Variants in USP4 observed in about 807,000 individuals in gnomAD.
USP4 encodes the protein ubiquitin carboxyl-terminal hydrolase 4.
A neutral mutation model predicts 118.2 loss-of-function variants in USP4; 72 were observed. The observed-to-expected ratio is 0.61, with a 90% CI of 0.50 to 0.74. The LOEUF is 0.74. Among genes scored for constraint, USP4 ranks in the 30% least tolerant of loss-of-function variants. The probability of loss-of-function intolerance (pLI) is 0.00; values close to 1 mark genes in which losing one functional copy is unlikely to be tolerated. For synonymous variants in USP4, 415 were observed against 440.4 expected (o/e 0.94, Z 0.72); for missense variants, 1,037 against 1,185.7 (o/e 0.87, Z 1.84).
intron 20 of USP4, among the ~76,000 whole-genome samples, chr3:49,279,569 C>A (rs2046995919): frequency 1.3e-5 from 2 of 152,184 alleles, no homozygotes; most frequent in South Asian, 4.1e-4. Flanking sequence ...TTACACTATT[C>A]CCAAGCAGGA....
intron 21 of USP4, 90 bp from the exon 22 acceptor site, chr3:49,278,541 G>A: frequency 1.4e-6 from 2 of 1,475,598 alleles, no homozygotes; most frequent in South Asian, 1.3e-5. Context: ...AACCCTCAAG[G>A]ATCTGCCATA....
At chr3:49,317,349 GTCC>G (rs749258655) in intron 6 of USP4, 44 of 1,221,722 alleles carry the variant, frequency 3.6e-5, no homozygotes, top group Non-Finnish European at 5.1e-5. Flanking sequence ...GCTGTTTCTT[GTCC>G]TCCTCCTGCT....
chr3:49,304,701 A>G (rs2047294320), intron 9 of USP4, among the ~76,000 whole-genome samples: 1 of 151,608 alleles, frequency 6.6e-6, no homozygotes, highest in African/African-American at 2.4e-5. Context: ...TAATTCTCCC[A>G]CCTCAGCCTC....
rs902386821 is a variant in USP4, at chr3:49,311,390, T to C, written c.836+124A>G. ...GTATGAAATGGAGTGAGAAACTACATGTAGCATGTTCCCATGAGGAACTCT... is the reference window on the plus strand; with the variant it reads ...GTATGAAATGGAGTGAGAAACTACACGTAGCATGTTCCCATGAGGAACTCT... On this transcript the variant is annotated intron_variant, in intron 7 of 21. Coordinates refer to ENST00000265560, the MANE Select transcript of USP4 (RefSeq NM_003363.4). 3.9e-6 allele frequency: 4 copies of C among 1,038,316 alleles called. No homozygotes were observed. The African/African-American group carries it at 4.8e-5, about 12-fold the overall frequency. The allele number at this position is 1,038,316 out of a possible 1,614,324, so 64.3% of individuals were successfully genotyped here. A position where few individuals can be genotyped will look rare whatever the true frequency, so the allele number is the denominator to read the frequency against.
intron 6 of USP4, among the ~76,000 whole-genome samples, chr3:49,314,682 C>CT (rs2047418110): frequency 6.6e-6 from 1 of 152,294 alleles, no homozygotes; most frequent in South Asian, 2.1e-4. Flanking sequence ...TGGCACTCCT[C>CT]TTCTCAGTAA....
At chr3:49,300,918 A>G (rs1293330446) in intron 10 of USP4, among the ~76,000 whole-genome samples, 2 of 152,036 alleles carry the variant, frequency 1.3e-5, no homozygotes, top group Non-Finnish European at 2.9e-5. Context: ...TATTTCACAT[A>G]TATGTTTATA....
Position 49,283,971 on chromosome 3 carries a change from A to T in USP4, c.2540+16T>A. 6.2e-7 allele frequency: 1 copy of T among 1,613,948 alleles called. No individual in the cohort carries two copies. The highest frequency in any genetic ancestry group is 8.5e-7 in the Non-Finnish European group (1 of 1,179,916). On this transcript the variant is annotated intron_variant, in intron 19 of 21. Transcript: ENST00000265560. ...TGTTTTTAAATGTTCCTAACACTGT[A>T]GTCACCATGACCCACCTGATTGGGA...
chr3:49,323,070 C>T (rs191517950), intron 6 of USP4, among the ~76,000 whole-genome samples: 4 of 150,938 alleles, frequency 2.7e-5, no homozygotes, highest in South Asian at 2.1e-4. Flanking sequence ...CGGGTTCAAG[C>T]GATTCTCCTG....
intron 13 of USP4, among the ~76,000 whole-genome samples, chr3:49,295,736 C>CACACA (rs1336643836): frequency 2.3e-4 from 33 of 142,962 alleles, no homozygotes; most frequent in East Asian, 1.4e-3. Context: ...ACACACACAC[C>CACACA]CCCCCCTCCC....
intron 15 of USP4, among the ~76,000 whole-genome samples, chr3:49,286,807 CT>C (rs2047094642): frequency 7.3e-6 from 1 of 137,258 alleles, no homozygotes; most frequent in African/African-American, 2.8e-5. Context: ...GACAGTCTCA[CT>C]CTAGCCACTC....
At chr3:49,338,917 G>A (rs1340159076) in intron 1 of USP4, among the ~76,000 whole-genome samples, 1 of 152,152 alleles carries the variant, frequency 6.6e-6, no homozygotes, top group Admixed American at 6.6e-5. Context: ...GGAGGCCGAG[G>A]CGGGTGGATC....
chr3:49,280,783 CA>C lies in USP4; in HGVS notation c.2604del (p.Ile868MetfsTer23). 1 of 1,614,146 alleles carries C rather than the reference CA, an allele frequency of 6.2e-7. No homozygotes were observed. Among genetic ancestry groups the C allele is most frequent in the Non-Finnish European group, 8.5e-7 (1 of 1,180,006 alleles). On this transcript the variant is annotated frameshift_variant, in exon 20 of 22. Transcript: ENST00000265560. LOFTEE classifies it high-confidence loss of function. ...LSARPYVYDL[I>X]AVSNHYGAMG... ...ATGGCTCCATAATGATTGGACACGG[CA>C]ATGAGGTCGTACACATAAGGCCTTG...
rs200730474 is a variant in USP4, at chr3:49,286,225, C to A, written c.2073G>T (p.Glu691Asp). The change falls in exon 16 of 22, where the codon GAG (glutamate) becomes GAT (aspartate). Residue 691 changes from glutamate to aspartate, a missense_variant. This residue lies in a region of USP4 where 522 missense variants were observed against 592.6 expected (regional missense o/e 0.88). Coordinates refer to ENST00000265560, the MANE Select transcript of USP4 (RefSeq NM_003363.4). ...GEDEPGNDPSETTQKKIKGQP... is the reference protein window; with the variant it reads ...GEDEPGNDPSDTTQKKIKGQP... ...GGCCTTTGATCTTCTTTTGGGTGGT[C>A]TCACTGGGGTCATTTCCTGGCTCAT... The A allele has an allele frequency of 1.3e-4, 212 of 1,613,996 alleles. 1 individual carries two copies. Among genetic ancestry groups the A allele is most frequent in the South Asian group, 4.3e-4 (39 of 91,094 alleles).
chr3:49,279,566 A>G (rs939400412), intron 20 of USP4, among the ~76,000 whole-genome samples: 1 of 152,174 alleles, frequency 6.6e-6, no homozygotes, highest in African/African-American at 2.4e-5. Flanking sequence ...ACTTTACACT[A>G]TTCCCAAGCA....
chr3:49,319,736 C>T (rs1346522840), intron 6 of USP4, among the ~76,000 whole-genome samples: 2 of 152,054 alleles, frequency 1.3e-5, no homozygotes, highest in East Asian at 3.9e-4. Context: ...GCCTCAGCCT[C>T]CCAAGTAGCT....
At chr3:49,281,531 CATATAT>C (rs1374032719) in intron 19 of USP4, among the ~76,000 whole-genome samples, 2 of 135,402 alleles carry the variant, frequency 1.5e-5, no homozygotes, top group African/African-American at 2.7e-5. Flanking sequence ...CACACACACA[CATATAT>C]ACATTTATAT....
At chr3:49,316,061 G>A (rs2047431936) in intron 6 of USP4, among the ~76,000 whole-genome samples, 1 of 151,956 alleles carries the variant, frequency 6.6e-6, no homozygotes, top group South Asian at 2.1e-4. Context: ...AAATTAGCCA[G>A]GCATGGTGGC....
At chr3:49,284,197 A>C in intron 18 of USP4, 61 bp from the exon 19 acceptor site, 12 of 1,600,004 alleles carry the variant, frequency 7.5e-6, no homozygotes, top group Non-Finnish European at 1.0e-5. Context: ...CTGGGCACTC[A>C]TGCATGGAGG....
chr3:49,278,716 C>T (rs1196280426), intron 21 of USP4, 98 bp downstream of exon 21: 5 of 1,013,950 alleles, frequency 4.9e-6, no homozygotes, highest in African/African-American at 4.9e-5. Flanking sequence ...CCCACTATCA[C>T]ATCAGGATGA....
Sources: allele counts gnomAD v4.1 joint callset (sites outside exome capture counted in the v4.1 genomes callset), GRCh38; gene constraint gnomAD v4.1.1; regional missense constraint gnomAD v4.1.1; transcripts MANE v1.5; gene names NCBI Gene and HGNC (gene_info 2026-07-23, HGNC 2026-07-21).